PIK3R1: variants seen among roughly 807,000 people sequenced by gnomAD.
PIK3R1 encodes phosphatidylinositol 3-kinase regulatory subunit alpha.
A neutral mutation model predicts 98.0 loss-of-function variants in PIK3R1; 29 were observed. The observed-to-expected ratio is 0.30, with a 90% confidence interval of 0.22 to 0.40. The LOEUF is 0.40. Ranked by LOEUF, PIK3R1 falls within the 10% of genes least tolerant of loss-of-function variation. PIK3R1 has a pLI of 1.00. For synonymous variants in PIK3R1, 282 were observed against 311.8 expected, an observed-to-expected ratio of 0.90 and a Z score of 1.01; for missense variants, 596 against 872.7, an observed-to-expected ratio of 0.68 and a Z score of 3.99.
At chr5:68,227,419 G>T (rs77359831) in intron 2 of PIK3R1, among the ~76,000 whole-genome samples, 2,145 of 152,218 alleles carry the variant, frequency 0.014, 46 homozygotes, top group African/African-American at 0.049. Flanking sequence ...GAGCATTCCA[G>T]AATTCAGATT....
At chr5:68,224,632 C>T (rs1268945764) in intron 1 of PIK3R1, among the ~76,000 whole-genome samples, 1 of 152,186 alleles carries the variant, frequency 6.6e-6, no homozygotes, top group African/African-American at 2.4e-5. Flanking sequence ...TATTAAACTT[C>T]TAAAGTGTTC....
chr5:68,276,171 C>T (rs1419493592), intron 4 of PIK3R1, among the ~76,000 whole-genome samples: 2 of 152,146 alleles, frequency 1.3e-5, no homozygotes, highest in Non-Finnish European at 2.9e-5. Context: ...TTTTTGGTTT[C>T]ATTTAACCTA....
At chr5:68,274,724 G>A (rs899947640) in intron 4 of PIK3R1, among the ~76,000 whole-genome samples, 1 of 152,158 alleles carries the variant, frequency 6.6e-6, no homozygotes, top group Non-Finnish European at 1.5e-5. Flanking sequence ...AATTAATTTA[G>A]CCAAGAGGGC....
rs1332303061 is a variant in PIK3R1 at position 68,221,789 on chromosome 5, A to C, written c.-386-4501A>C. The stretch of plus-strand genomic sequence containing the variant: ...TGCTATTTGTCAAACATCAGAAACA[A>C]TTTTATTTTGGGGAATAGAAAGAGA... On this transcript the variant is annotated intron_variant, in intron 1 of 15. Transcript: ENST00000521381. Among the ~76,000 whole-genome samples, 3 of 152,202 alleles carry C rather than the reference A, an allele frequency of 2.0e-5. No individual in the cohort carries two copies. In the East Asian group the frequency reaches 5.8e-4, roughly 29 times the overall value.
rs200510432 is a variant in PIK3R1, at chr5:68,241,388, G to T, written c.334+14379G>T. Among the ~76,000 whole-genome samples the T allele has an allele frequency of 8.2e-3, 1,166 of 143,026 alleles. 9 individuals are homozygous for T. The highest frequency in any genetic ancestry group is 0.011 in the Non-Finnish European group (731 of 65,344). 93.8% of individuals were successfully genotyped at this position (143,026 alleles called of 152,430 possible). A position where few individuals can be genotyped will look rare whatever the true frequency, so the allele number is the denominator to read the frequency against. The stretch of plus-strand genomic sequence containing the variant: ...AAAGGTGGTGGTTACAATTTTTTTT[G>T]TTTTTTTTTTTTTTACAGTACTGTT... On this transcript the variant is annotated intron_variant, in intron 2 of 15. Coordinates refer to ENST00000521381, the MANE Select transcript of PIK3R1 (RefSeq NM_181523.3).
chr5:68,249,130 A>G (rs2112059252), intron 2 of PIK3R1, among the ~76,000 whole-genome samples: 1 of 152,350 alleles, frequency 6.6e-6, no homozygotes, highest in Middle Eastern at 3.4e-3. Context: ...TCCTTCTGTC[A>G]AGACCTACCC....
At chr5:68,289,533 T>C (rs946775663) in intron 7 of PIK3R1, among the ~76,000 whole-genome samples, 3 of 151,904 alleles carry the variant, frequency 2.0e-5, no homozygotes, top group African/African-American at 4.8e-5. Flanking sequence ...GTTTTTTAAA[T>C]GAGCCACATT....
intron 7 of PIK3R1, among the ~76,000 whole-genome samples, chr5:68,286,191 G>A (rs1307246232): frequency 1.3e-5 from 2 of 152,152 alleles, no homozygotes; most frequent in East Asian, 1.9e-4. Context: ...TCTGAAATGA[G>A]TTTTACGAAA....
At chr5:68,240,043 T>C in intron 2 of PIK3R1, 1 of 394,450 alleles carries the variant, frequency 2.5e-6, no homozygotes, top group Non-Finnish European at 5.1e-6. Context: ...GGCTTGTGCT[T>C]CTTAATGTTG....
rs780758962 is a variant in PIK3R1, at chr5:68,273,474, A to T, written c.419A>T (p.Glu140Val). ...PLLIKLVEAI[E>V]KKGLECSTLY... is the part of the protein sequence containing the mutation. ...CTTATCAAGCTCGTGGAAGCCATTG[A>T]AAAGAAAGGTAACCAGACTGCTAGA... Residue 140 changes from glutamate (E) to valine (V), a missense_variant, in exon 3 of 16, where the codon GAA becomes GTA. Physicochemically the swap from Glu to Val is moderately radical, Grantham distance 121 (BLOSUM62 -2). Around this residue, in one of 3 missense-constraint regions of PIK3R1, gnomAD observed 352 missense variants for 393.3 expected, o/e 0.90. Coordinates refer to ENST00000521381, the MANE Select transcript of PIK3R1 (RefSeq NM_181523.3). 1 of 1,613,756 alleles carries T rather than the reference A, an allele frequency of 6.2e-7. No homozygotes were observed. Among genetic ancestry groups the T allele is most frequent in the Non-Finnish European group, 8.5e-7 (1 of 1,179,698 alleles).
intron 2 of PIK3R1, among the ~76,000 whole-genome samples, chr5:68,265,784 T>G (rs145904304): frequency 1.6e-3 from 240 of 152,274 alleles, no homozygotes; most frequent in African/African-American, 5.5e-3. Context: ...AATATGTAAA[T>G]AAAGCAAATA....
rs1177969356 is a variant in PIK3R1, at chr5:68,298,881, A to G, written c.*1280A>G. 1 of 208,402 alleles carries G rather than the reference A, an allele frequency of 4.8e-6. No homozygotes were observed. Among genetic ancestry groups the G allele is most frequent in the Non-Finnish European group, 9.7e-6 (1 of 103,448 alleles). 12.9% of individuals were successfully genotyped at this position (208,402 alleles called of 1,614,324 possible). ...TCTTGAATCTAGGGAGGGGGAATGT[A>G]GTGAAGGGATGTATCAAGTGGGGTG... On this transcript the variant is annotated 3_prime_UTR_variant, in exon 16 of 16. Coordinates refer to ENST00000521381, the MANE Select transcript of PIK3R1 (RefSeq NM_181523.3).
chr5:68,301,432 A>ATATATATATATATATGTGTG lies in PIK3R1; in HGVS notation c.*3832_*3833insATATATATATATATGTGTGT, dbSNP rs1463705488. The ATATATATATATATATGTGTG allele has an allele frequency of 2.7e-5, 2 of 73,544 alleles. No homozygotes were observed. Among genetic ancestry groups the ATATATATATATATATGTGTG allele is most frequent in the African/African-American group, 5.8e-5 (1 of 17,312 alleles). 4.6% of individuals were successfully genotyped at this position (73,544 alleles called of 1,614,324 possible). A position where few individuals can be genotyped will look rare whatever the true frequency, so the allele number is the denominator to read the frequency against. Reference sequence around the variant, plus strand: ...TATATATATATATATATATATATATATGTGTGTGTATATATATATATATGT... The same window carrying ATATATATATATATATGTGTG: ...TATATATATATATATATATATATATATATATATATATATATGTGTGTGTGTGTGTATATATATATATATGT... On this transcript the variant is annotated 3_prime_UTR_variant, in exon 16 of 16. Coordinates refer to ENST00000521381, the MANE Select transcript of PIK3R1 (RefSeq NM_181523.3).
intron 4 of PIK3R1, among the ~76,000 whole-genome samples, chr5:68,279,372 G>T (rs1310290815): frequency 6.6e-6 from 1 of 152,094 alleles, no homozygotes; most frequent in Non-Finnish European, 1.5e-5. Flanking sequence ...CTAAGTGCTT[G>T]CAATATGTCA....
intron 2 of PIK3R1, among the ~76,000 whole-genome samples, chr5:68,263,215 T>TA (rs1561279747): frequency 3.6e-4 from 44 of 120,932 alleles, no homozygotes; most frequent in Middle Eastern, 4.7e-3. Flanking sequence ...ATATATATAT[T>TA]TCTACATATA....
intron 4 of PIK3R1, 31 bp from the exon 5 acceptor site, chr5:68,279,571 T>C (rs1746734567): frequency 1.3e-6 from 2 of 1,590,128 alleles, no homozygotes; most frequent in South Asian, 2.2e-5. Flanking sequence ...ATAAAATAAA[T>C]GTCTGAAATA....
At chr5:68,272,812 A>G (rs1746416401) in intron 2 of PIK3R1, among the ~76,000 whole-genome samples, 1 of 152,250 alleles carries the variant, frequency 6.6e-6, no homozygotes, top group Non-Finnish European at 1.5e-5. Context: ...GACTCAGCCC[A>G]TACCTGGCAT....
At chr5:68,295,676 G>A (rs1170576843) in intron 14 of PIK3R1, 188 bp downstream of exon 14, 14 of 603,950 alleles carry the variant, frequency 2.3e-5, no homozygotes, top group East Asian at 1.1e-4. Context: ...GGAGGACTAG[G>A]ATTTATTTTT....
chr5:68,252,065 C>T (rs1030741547), intron 2 of PIK3R1, among the ~76,000 whole-genome samples: 3 of 152,096 alleles, frequency 2.0e-5, no homozygotes, highest in African/African-American at 7.2e-5. Flanking sequence ...CTCACATCTC[C>T]CCCTTGAACT....
Sources: gnomAD v4.1 joint callset for allele counts (sites outside exome capture counted in the v4.1 genomes callset) on GRCh38, gnomAD v4.1.1 for gene constraint, gnomAD v4.1.1 regional missense constraint, MANE v1.5 for transcripts, NCBI Gene and HGNC (gene_info 2026-07-23, HGNC 2026-07-21) for gene names.